The following SAMMSON variants were observed in gnomAD, a reference collection of about 807,000 sequenced individuals.
SAMMSON encodes survival associated mitochondrial melanoma specific oncogenic non-coding RNA, also known as long intergenic non-protein coding RNA 1212.
intron 1 of SAMMSON, among the ~76,000 whole-genome samples, chr3:70,007,346 GGTGTGAGATGGAATCTCACT>G (rs2066931815): frequency 6.6e-6 from 1 of 152,138 alleles, no homozygotes; most frequent in South Asian, 2.1e-4. Flanking sequence ...CATTCTAACT[GGTGTGAGATGGAATCTCACT>G]GTGGTTTTGA....
chr3:70,219,319 T>C (rs533918638), intron 4 of SAMMSON, among the ~76,000 whole-genome samples: 1 of 152,298 alleles, frequency 6.6e-6, no homozygotes, highest in Admixed American at 6.5e-5. Context: ...GAAAGTAGAA[T>C]GGAATTAGTG....
intron 6 of SAMMSON, among the ~76,000 whole-genome samples, chr3:70,277,470 G>T (rs573169384): frequency 6.6e-6 from 1 of 152,232 alleles, no homozygotes; most frequent in Admixed American, 6.5e-5. Flanking sequence ...GACGGCTCTT[G>T]ATTCACTTGA....
intron 4 of SAMMSON, among the ~76,000 whole-genome samples, chr3:70,218,006 C>T (rs570845878): frequency 1.4e-4 from 21 of 152,084 alleles, no homozygotes; most frequent in Admixed American, 2.6e-4. Context: ...ATCACAGGAG[C>T]GAGGGAACAG....
intron 1 of SAMMSON, among the ~76,000 whole-genome samples, chr3:70,000,792 A>G (rs750135389): frequency 1.3e-5 from 2 of 152,150 alleles, no homozygotes; most frequent in Non-Finnish European, 1.5e-5. Context: ...TCATCAAGCT[A>G]TTGTTGTTTT....
chr3:70,104,906 G>A (rs554024804), intron 4 of SAMMSON, among the ~76,000 whole-genome samples: 2 of 152,264 alleles, frequency 1.3e-5, no homozygotes, highest in Admixed American at 6.5e-5. Flanking sequence ...TGAACAGAAA[G>A]ACTCCTTCTA....
chr3:70,042,783 G>A (rs1444389669), intron 3 of SAMMSON, among the ~76,000 whole-genome samples: 5 of 152,082 alleles, frequency 3.3e-5, no homozygotes, highest in Non-Finnish European at 7.4e-5. Flanking sequence ...TCTCTAGTGT[G>A]CAGAATTGCT....
At chr3:70,024,760 T>TG (rs2067030722) in intron 3 of SAMMSON, 1 of 152,236 alleles carries the variant, frequency 6.6e-6, no homozygotes, top group Admixed American at 6.5e-5. Flanking sequence ...GCTTTTTGCT[T>TG]TGTTTTCCAG....
intron 7 of SAMMSON, among the ~76,000 whole-genome samples, chr3:70,299,504 C>T (rs1702325627): frequency 6.6e-6 from 1 of 152,038 alleles, no homozygotes; most frequent in African/African-American, 2.4e-5. Context: ...CCATTGAATC[C>T]AGAAATCTCT....
chr3:70,216,646 T>C (rs911833110), intron 4 of SAMMSON, among the ~76,000 whole-genome samples: 1 of 152,120 alleles, frequency 6.6e-6, no homozygotes, highest in African/African-American at 2.4e-5. Context: ...GATGTTACCG[T>C]TGTATAGTAA....
intron 7 of SAMMSON, among the ~76,000 whole-genome samples, chr3:70,313,966 T>C (rs1369883099): frequency 6.6e-6 from 1 of 152,204 alleles, no homozygotes; most frequent in Non-Finnish European, 1.5e-5. Context: ...AATTGCATTG[T>C]GGCTGTTCCT....
At chr3:70,390,913 A>G (rs890570707), downstream of SAMMSON, among the ~76,000 whole-genome samples, 2 of 152,162 alleles carry the variant, frequency 1.3e-5, no homozygotes. Context: ...CATTATAAAC[A>G]AAAATTTGTA....
intron 4 of SAMMSON, among the ~76,000 whole-genome samples, chr3:70,180,728 A>G (rs1701046950): frequency 1.3e-5 from 2 of 152,196 alleles, no homozygotes; most frequent in Admixed American, 6.5e-5. Flanking sequence ...AAAATATTAT[A>G]TCTGGGCCAA....
At chr3:70,036,797 T>C (rs371039362) in intron 3 of SAMMSON, among the ~76,000 whole-genome samples, 2 of 152,168 alleles carry the variant, frequency 1.3e-5, no homozygotes. Flanking sequence ...ACATAAGCTC[T>C]TTCTGCTTGC....
chr3:70,394,684 G>A (rs967564989), downstream of SAMMSON, among the ~76,000 whole-genome samples: 4 of 152,206 alleles, frequency 2.6e-5, no homozygotes, highest in African/African-American at 4.8e-5. Flanking sequence ...TAAATTGTAC[G>A]TTACATATAT....
chr3:70,207,254 T>A (rs1490174992), intron 4 of SAMMSON, among the ~76,000 whole-genome samples: 2 of 152,026 alleles, frequency 1.3e-5, no homozygotes, highest in Non-Finnish European at 2.9e-5. Flanking sequence ...TTTCCTCCTC[T>A]GTAAAAAGAA....
intron 9 of SAMMSON, among the ~76,000 whole-genome samples, chr3:70,363,946 C>G (rs145161380): frequency 7.1e-4 from 107 of 151,716 alleles, no homozygotes; most frequent in African/African-American, 2.4e-3. Flanking sequence ...ATATTTCTAG[C>G]TTTTTTGTCT....
At chr3:70,416,874 A>G (rs1472447736) in intron 2 of SAMMSON, among the ~76,000 whole-genome samples, 1 of 152,110 alleles carries the variant, frequency 6.6e-6, no homozygotes, top group African/African-American at 2.4e-5. Context: ...GAGCTAATAG[A>G]TTTTTTTCAC....
intron 7 of SAMMSON, among the ~76,000 whole-genome samples, chr3:70,346,281 T>C (rs573056547): frequency 6.6e-6 from 1 of 151,410 alleles, no homozygotes; most frequent in South Asian, 2.1e-4. Flanking sequence ...TCATCTATAC[T>C]GAAATATGTA....
intron 9 of SAMMSON, among the ~76,000 whole-genome samples, chr3:70,361,539 C>T (rs1015269168): frequency 6.6e-5 from 10 of 152,178 alleles, no homozygotes; most frequent in Admixed American, 3.9e-4. Flanking sequence ...CATCTCGCTG[C>T]AGCATCTGCA....
Sources: gnomAD v4.1 joint callset for allele counts (sites outside exome capture counted in the v4.1 genomes callset) on GRCh38, gnomAD v4.1.1 for gene constraint, MANE v1.5 for transcripts, NCBI Gene and HGNC (gene_info 2026-07-23, HGNC 2026-07-21) for gene names.